Variants in TBX2 observed in about 807,000 individuals in gnomAD.
TBX2 encodes T-box transcription factor 2.
TBX2 carries 19 observed loss-of-function variants against 48.4 expected under a neutral mutation model. The ratio of observed to expected loss-of-function variants is 0.39; its 90% CI spans 0.27 to 0.58. TBX2 has a LOEUF of 0.58. Among genes scored for constraint, TBX2 ranks in the 20% least tolerant of loss-of-function variants. TBX2 has a pLI of 0.54. For missense variants in TBX2, 994 were observed against 1,006.5 expected, an observed-to-expected ratio of 0.99 and a Z score of 0.17; for synonymous variants, 522 against 459.7, an observed-to-expected ratio of 1.14 and a Z score of -1.73.
Position 61,405,765 on chromosome 17 carries a change from C to T in TBX2, c.1615C>T (p.Pro539Ser). 3 of 1,334,518 alleles carry T rather than the reference C, an allele frequency of 2.2e-6. No homozygotes were observed. The highest frequency in any genetic ancestry group is 2.9e-6 in the Non-Finnish European group (3 of 1,048,572). 82.7% of individuals were successfully genotyped at this position (1,334,518 alleles called of 1,614,324 possible). The change falls in exon 6 of 7, where the codon CCC becomes TCC. Residue 539 changes from proline to serine, a missense_variant. By Grantham distance (74) the Pro-to-Ser change is moderately conservative. Coordinates refer to ENST00000240328, the MANE Select transcript of TBX2 (RefSeq NM_005994.4). ...GGGGCTGGACGCAGGCGGGCTGGGT[C>T]CCGCGGCCAGCGCAGCAAGCACCGC... Reference protein sequence around the residue: ...AAGLDAGGLGPAASAASTAAP... With the variant: ...AAGLDAGGLGSAASAASTAAP...
intron 5 of TBX2, 169 bp downstream of exon 5, chr17:61,404,938 C>T (rs1421365028): frequency 8.0e-7 from 1 of 1,251,520 alleles, no homozygotes; most frequent in Non-Finnish European, 1.1e-6. Context: ...GGGCGGTCCC[C>T]GGTAGCCAGA....
rs1198462287 is a variant in TBX2 at position 61,405,445 on chromosome 17, A to G, written c.1295A>G (p.Lys432Arg). Residue 432 changes from lysine (K) to arginine (R), a missense_variant, in exon 6 of 7, where the codon AAG becomes AGG. By Grantham distance (26) the Lys-to-Arg change is conservative (BLOSUM62 2). This residue lies in a region of TBX2 where 639 missense variants were observed against 613.2 expected (regional missense o/e 1.04). Coordinates refer to ENST00000240328, the MANE Select transcript of TBX2 (RefSeq NM_005994.4). ...AAGGAGCGCGCCGAAGCTCGGAGGA[A>G]GGACGAGGGGCGCAAGGAGGCGGCC... is the stretch of plus-strand genomic sequence containing the variant. ...LEKERAEARR[K>R]DEGRKEAAEG... The G allele has an allele frequency of 1.1e-5, 17 of 1,568,658 alleles. No homozygotes were observed. Among genetic ancestry groups the G allele is most frequent in the Non-Finnish European group, 1.5e-5 (17 of 1,161,176 alleles).
intron 6 of TBX2, 132 bp from the exon 7 acceptor site, chr17:61,407,922 T>G: frequency 1.7e-6 from 2 of 1,186,146 alleles, no homozygotes; most frequent in Non-Finnish European, 2.3e-6. Flanking sequence ...CTGCCTGTGG[T>G]TATAGTTATG....
rs1341462749 is a variant in TBX2 at position 61,403,382 on chromosome 17, G to A, written c.810+175G>A. ...GCGCAGCACTCACGGAAGTCCTCAA[G>A]GCGCCCTCTCAATCCCACCGCGCGC... On this transcript the variant is annotated intron_variant, in intron 3 of 6. Transcript: ENST00000240328. This position sits in a 1 kb window ranked among gnomAD's most constrained non-coding sequence, Gnocchi z 5.8. Among the ~76,000 whole-genome samples the A allele has an allele frequency of 1.3e-5, 2 of 152,232 alleles. No individual in the cohort carries two copies. Among genetic ancestry groups the A allele is most frequent in the Admixed American group, 6.5e-5 (1 of 15,286 alleles).
Position 61,405,534 on chromosome 17 carries a change from G to A in TBX2, c.1384G>A (p.Ala462Thr). 1.9e-6 allele frequency: 3 copies of A among 1,591,618 alleles called. No individual in the cohort carries two copies. Among genetic ancestry groups the A allele is most frequent in the Non-Finnish European group, 2.6e-6 (3 of 1,172,474 alleles). Residue 462 changes from alanine (A) to threonine (T), a missense_variant, in exon 6 of 7, where the codon GCC becomes ACC. Ala to Thr is a moderately conservative substitution (Grantham distance 58). This residue lies in a region of TBX2 where 639 missense variants were observed against 613.2 expected (regional missense o/e 1.04). Transcript: ENST00000240328. ...VQTDSASPLG[A>T]GHLPGLAFSS... Reference sequence around the variant, plus strand: ...GACAGACAGTGCGTCCCCCCTGGGCGCCGGACACCTGCCCGGCCTGGCCTT... The same window carrying A: ...GACAGACAGTGCGTCCCCCCTGGGCACCGGACACCTGCCCGGCCTGGCCTT...
Position 61,400,287 on chromosome 17 carries a change from C to A in TBX2, c.111C>A (p.Phe37Leu). 1 of 1,154,836 alleles carries A rather than the reference C, an allele frequency of 8.7e-7. No individual in the cohort carries two copies. The highest frequency in any genetic ancestry group is 1.1e-6 in the Non-Finnish European group (1 of 920,574). 71.5% of individuals were successfully genotyped at this position (1,154,836 alleles called of 1,614,324 possible). Residue 37 changes from phenylalanine to leucine, a missense_variant, in exon 1 of 7, where the codon TTC (phenylalanine) becomes TTA (leucine). By Grantham distance (22) the Phe-to-Leu change is conservative. This residue lies in a region of TBX2 where 165 missense variants were observed against 136.8 expected (regional missense o/e 1.21). Coordinates refer to ENST00000240328, the MANE Select transcript of TBX2 (RefSeq NM_005994.4). The surrounding 1 kb of genome is among the most constrained non-coding windows in gnomAD (Gnocchi z 9.2). Reference sequence around the variant, plus strand: ...TTCTGGCGGCGGCGCAGCCCTCCTTCTTCCCGGCACTCGCGCTGCCGCCCG... The same window carrying A: ...TTCTGGCGGCGGCGCAGCCCTCCTTATTCCCGGCACTCGCGCTGCCGCCCG... ...SAFLAAAQPS[F>L]FPALALPPGA...
chr17:61,401,557 G>C, intron 1 of TBX2, 127 bp from the exon 2 acceptor site: 2 of 1,338,960 alleles, frequency 1.5e-6, no homozygotes, highest in Non-Finnish European at 2.0e-6. Context: ...CAGAGCAGCC[G>C]ACCACAGGGG....
rs34091020 is a variant in TBX2 at position 61,409,076 on chromosome 17, G to GAA, written c.*581_*582dup. ...GCACTTCTGCCTTGAGTCCCCAGGGGAAAAAAAAAAAAGATATTTATGAAA... is the reference window on the plus strand; with the variant it reads ...GCACTTCTGCCTTGAGTCCCCAGGGGAAAAAAAAAAAAAAGATATTTATGAAA... On this transcript the variant is annotated 3_prime_UTR_variant, in exon 7 of 7. Coordinates refer to ENST00000240328, the MANE Select transcript of TBX2 (RefSeq NM_005994.4). 181 of 148,238 alleles carry GAA rather than the reference G, an allele frequency of 1.2e-3. No individual in the cohort carries two copies. Among genetic ancestry groups the GAA allele is most frequent in the Middle Eastern group, 3.4e-3 (1 of 290 alleles). The allele number at this position is 148,238 out of a possible 1,614,324, so 9.2% of individuals were successfully genotyped here.
chr17:61,401,676 C>G lies in TBX2; in HGVS notation c.396-8C>G. On this transcript the variant is annotated splice_polypyrimidine_tract_variant and splice_region_variant and intron_variant, in intron 1 of 6. Transcript: ENST00000240328. ...CCAATGGGATCTCCTCCCTTCCCTC[C>G]CTCCCAGGCGGATGTTCCCCCCCTT... The G allele has an allele frequency of 6.2e-7, 1 of 1,609,228 alleles. No homozygotes were observed. Among genetic ancestry groups the G allele is most frequent in the Non-Finnish European group, 8.5e-7 (1 of 1,177,642 alleles).
intron 5 of TBX2, 79 bp downstream of exon 5, chr17:61,404,848 C>A: frequency 6.6e-7 from 1 of 1,515,518 alleles, no homozygotes; most frequent in Non-Finnish European, 8.9e-7. Flanking sequence ...TTTGCTGAGC[C>A]ACCCGCTAAC....
At position 61,401,685 on chromosome 17, in the gene TBX2, C is replaced by A. The variant is rs756468227; in HGVS notation, c.397C>A (p.Arg133=). The A allele has an allele frequency of 3.1e-6, 5 of 1,610,526 alleles. No individual in the cohort carries two copies. The highest frequency in any genetic ancestry group is 1.3e-5 in the African/African-American group (1 of 74,888). Residue 133 remains arginine, a splice_region_variant and synonymous_variant, in exon 2 of 7, where the codon CGG becomes AGG. Coordinates refer to ENST00000240328, the MANE Select transcript of TBX2 (RefSeq NM_005994.4). The part of the protein sequence containing the change: ...TEMVITKSGR[R]MFPPFKVRVS... The stretch of plus-strand genomic sequence containing the variant: ...TCTCCTCCCTTCCCTCCCTCCCAGG[C>A]GGATGTTCCCCCCCTTCAAGGTGCG...
chr17:61,408,984 G>A lies in TBX2; in HGVS notation c.*478G>A, dbSNP rs1452476645. 6.5e-6 allele frequency: 1 copy of A among 154,592 alleles called. No individual in the cohort carries two copies. The highest frequency in any genetic ancestry group is 6.5e-5 in the Admixed American group (1 of 15,304). The allele number at this position is 154,592 out of a possible 1,614,324, so 9.6% of individuals were successfully genotyped here. Reference sequence around the variant, plus strand: ...GTAGACCTGAGCTGGGAGGGAACCTGTTAGTCTCCCCACCTCTTCCCTGAA... The same window carrying A: ...GTAGACCTGAGCTGGGAGGGAACCTATTAGTCTCCCCACCTCTTCCCTGAA... On this transcript the variant is annotated 3_prime_UTR_variant, in exon 7 of 7. Coordinates refer to ENST00000240328, the MANE Select transcript of TBX2 (RefSeq NM_005994.4).
chr17:61,404,931 C>T, intron 5 of TBX2, 162 bp downstream of exon 5: 2 of 1,254,854 alleles, frequency 1.6e-6, no homozygotes, highest in Non-Finnish European at 2.2e-6. Context: ...CCTACGAGGG[C>T]GGTCCCCGGT....
chr17:61,404,418 C>T lies in TBX2; in HGVS notation c.811-3C>T, dbSNP rs764221755. 6.2e-7 allele frequency: 1 copy of T among 1,607,234 alleles called. No homozygotes were observed. On this transcript the variant is annotated splice_polypyrimidine_tract_variant and splice_region_variant and intron_variant, in intron 3 of 6. Coordinates refer to ENST00000240328, the MANE Select transcript of TBX2 (RefSeq NM_005994.4). ...CTTAGCGCCGCCCCCTTGGTCCCCG[C>T]AGATCACACAGCTGAAGATCGACAA...
chr17:61,401,718 G>T lies in TBX2; in HGVS notation c.430G>T (p.Gly144Cys). Residue 144 changes from glycine to cysteine, a missense_variant, in exon 2 of 7, where the codon GGC becomes TGC. Around this residue, in one of 5 missense-constraint regions of TBX2, gnomAD observed 153 missense variants for 166.2 expected, o/e 0.92. Transcript: ENST00000240328. ...CCCCCCCTTCAAGGTGCGAGTCAGC[G>T]GCCTGGACAAGAAGGCCAAGTATAT... ...MFPPFKVRVSGLDKKAKYILL... is the reference protein window; with the variant it reads ...MFPPFKVRVSCLDKKAKYILL... 1 of 1,612,842 alleles carries T rather than the reference G, an allele frequency of 6.2e-7. No homozygotes were observed. Among genetic ancestry groups the T allele is most frequent in the Admixed American group, 1.7e-5 (1 of 60,018 alleles).
At position 61,405,326 on chromosome 17, in the gene TBX2, A is replaced by G. The variant is rs963884581; in HGVS notation, c.1176A>G (p.Glu392=). 10 of 1,547,414 alleles carry G rather than the reference A, an allele frequency of 6.5e-6. No individual in the cohort carries two copies. Among genetic ancestry groups the G allele is most frequent in the Non-Finnish European group, 7.8e-6 (9 of 1,153,480 alleles). ...PDSASPTRLT[E]PERARERRSP... is the part of the protein sequence containing the mutation. ...GCGCCAGCCCCACTCGCTTGACCGA[A>G]CCCGAGCGCGCCCGGGAGCGGCGTA... The change falls in exon 6 of 7, where the codon GAA becomes GAG. Residue 392 remains glutamate (E), a synonymous_variant. Transcript: ENST00000240328.
Position 61,404,640 on chromosome 17 carries a change from G to T in TBX2, c.922G>T (p.Glu308Ter). 1.3e-6 allele frequency: 2 copies of T among 1,582,302 alleles called. No individual in the cohort carries two copies. Among genetic ancestry groups the T allele is most frequent in the Non-Finnish European group, 1.7e-6 (2 of 1,163,428 alleles). ...QLTLPSLRLY[E>*]EHCKPERDGA... ...GACGCTGCCGTCTCTACGCTTGTAC[G>T]AGGAGCACTGCAAACCCGAGCGCGA... Residue 308 changes from glutamate to a stop codon, truncating the protein, a stop_gained, in exon 5 of 7, where the codon GAG (glutamate) becomes TAG (stop). Transcript: ENST00000240328. LOFTEE classifies it high-confidence loss of function.
chr17:61,401,745 C>G lies in TBX2; in HGVS notation c.457C>G (p.Leu153Val). ...CCTGGACAAGAAGGCCAAGTATATCCTGCTGATGGACATTGTAGCCGCTGA... is the reference window on the plus strand; with the variant it reads ...CCTGGACAAGAAGGCCAAGTATATCGTGCTGATGGACATTGTAGCCGCTGA... ...SGLDKKAKYILLMDIVAADDC... is the reference protein window; with the variant it reads ...SGLDKKAKYIVLMDIVAADDC... Residue 153 changes from leucine to valine, a missense_variant, in exon 2 of 7, where the codon CTG (leucine) becomes GTG (valine). Leu to Val is a conservative substitution (Grantham distance 32). Coordinates refer to ENST00000240328, the MANE Select transcript of TBX2 (RefSeq NM_005994.4). The G allele has an allele frequency of 6.2e-7, 1 of 1,613,106 alleles. No individual in the cohort carries two copies.
Position 61,400,142 on chromosome 17 carries a change from G to C in TBX2, c.-35G>C. ...TCCGAGCCGCGCGCCCCCGGCCCCG[G>C]CCCCGGCCCCCGGGCGCCTGGGCCG... is the stretch of plus-strand genomic sequence containing the variant. On this transcript the variant is annotated 5_prime_UTR_variant, in exon 1 of 7. Transcript: ENST00000240328. The surrounding 1 kb of genome is among the most constrained non-coding windows in gnomAD (Gnocchi z 9.2). The C allele has an allele frequency of 1.0e-6, 1 of 988,504 alleles. No homozygotes were observed. The highest frequency in any genetic ancestry group is 1.2e-6 in the Non-Finnish European group (1 of 831,736). The allele number at this position is 988,504 out of a possible 1,614,324, so 61.2% of individuals were successfully genotyped here.
Sources: gnomAD v4.1 joint callset for allele counts (sites outside exome capture counted in the v4.1 genomes callset) on GRCh38, gnomAD v4.1.1 for gene constraint, gnomAD v4.1.1 regional missense constraint, Gnocchi (gnomAD v3.1) non-coding constraint, MANE v1.5 for transcripts, NCBI Gene and HGNC (gene_info 2026-07-23, HGNC 2026-07-21) for gene names.